COL9A3: variants seen among roughly 807,000 people sequenced by gnomAD.
COL9A3 encodes collagen alpha-3(IX) chain.
COL9A3 carries 82 observed loss-of-function variants against 110.2 expected under a neutral mutation model. The observed-to-expected ratio is 0.74, with a 90% CI of 0.62 to 0.89. The LOEUF is 0.89. COL9A3 is among the 40% of genes least tolerant of loss of function. COL9A3 has a pLI of 0.00. For synonymous variants in COL9A3, 494 were observed against 403.8 expected (o/e 1.22, Z -2.68); for missense variants, 1,066 against 981.3 (o/e 1.09, Z -1.15).
chr20:62,826,488 G>A (rs1412819899), intron 14 of COL9A3, among the ~76,000 whole-genome samples: 5 of 152,150 alleles, frequency 3.3e-5, no homozygotes, highest in Non-Finnish European at 7.4e-5. Flanking sequence ...CCAGGCTGCT[G>A]TGAGGGCTAT....
At chr20:62,832,009 G>A (rs1214958055) in intron 24 of COL9A3, 145 bp from the exon 25 acceptor site, 4 of 845,396 alleles carry the variant, frequency 4.7e-6, no homozygotes, top group Non-Finnish European at 6.1e-6. Flanking sequence ...CTTTGGGCCT[G>A]TGTCTGGGAG....
intron 31 of COL9A3, among the ~76,000 whole-genome samples, 163 bp downstream of exon 31, chr20:62,838,924 T>A (rs942158060): frequency 1.3e-5 from 2 of 152,170 alleles, no homozygotes; most frequent in Non-Finnish European, 1.5e-5. Context: ...ACCACTTTAA[T>A]ACATAAAAGT....
intron 29 of COL9A3, 89 bp from the exon 30 acceptor site, chr20:62,836,994 C>T (rs1257171752): frequency 6.6e-7 from 1 of 1,508,250 alleles, no homozygotes; most frequent in African/African-American, 1.4e-5. Flanking sequence ...TTCTGGAAGA[C>T]AGCACCGTGT....
intron 13 of COL9A3, 138 bp downstream of exon 13, chr20:62,826,008 C>T: frequency 1.7e-6 from 2 of 1,150,560 alleles, no homozygotes; most frequent in South Asian, 1.4e-5. Flanking sequence ...GGAGCGCGAC[C>T]TGGCTGGGGG....
intron 10 of COL9A3, 49 bp downstream of exon 10, chr20:62,822,681 G>T (rs1397854682): frequency 6.3e-7 from 1 of 1,588,892 alleles, no homozygotes; most frequent in Non-Finnish European, 8.6e-7. Context: ...TGCCTACCTT[G>T]GGGGGAGGGG....
intron 24 of COL9A3, chr20:62,831,131 G>C (rs892208324): frequency 6.6e-6 from 1 of 152,268 alleles, no homozygotes; most frequent in Non-Finnish European, 1.5e-5. Context: ...AGAGGATCAC[G>C]TTGCTATAAA....
At chr20:62,820,762 A>G (rs1991094736) in intron 5 of COL9A3, among the ~76,000 whole-genome samples, 1 of 145,840 alleles carries the variant, frequency 6.9e-6, no homozygotes, top group South Asian at 2.5e-4. Flanking sequence ...TTCAGGCAGC[A>G]GGGGCCAGAC....
At chr20:62,838,000 T>A (rs2063649802) in intron 30 of COL9A3, among the ~76,000 whole-genome samples, 1 of 152,230 alleles carries the variant, frequency 6.6e-6, no homozygotes, top group South Asian at 2.1e-4. Context: ...AAGATTTGAA[T>A]GACGCAATTA....
chr20:62,839,818 G>A (rs112334989), intron 31 of COL9A3, among the ~76,000 whole-genome samples: 1 of 131,466 alleles, frequency 7.6e-6, no homozygotes, highest in African/African-American at 2.8e-5. Flanking sequence ...CTCCATGCAC[G>A]CACGCTGCTC....
chr20:62,836,553 G>A (rs773035969), intron 29 of COL9A3, 21 bp downstream of exon 29: 15 of 1,593,888 alleles, frequency 9.4e-6, no homozygotes, highest in East Asian at 4.5e-5. Context: ...CACGTGCACC[G>A]GCTGCAGCGG....
chr20:62,825,949 C>A, intron 13 of COL9A3, 79 bp downstream of exon 13: 2 of 1,454,168 alleles, frequency 1.4e-6, no homozygotes, highest in African/African-American at 1.4e-5. Flanking sequence ...TATCTACCCC[C>A]GAGGGGGCCA....
Position 62,840,877 on chromosome 20 carries a change from G to T in COL9A3, c.*145G>T. 1.2e-6 allele frequency: 1 copy of T among 859,846 alleles called. No individual in the cohort carries two copies. 53.3% of individuals were successfully genotyped at this position (859,846 alleles called of 1,614,324 possible). On this transcript the variant is annotated 3_prime_UTR_variant, in exon 32 of 32. Transcript: ENST00000649368. Reference sequence around the variant, plus strand: ...GCCGCCGACTGGACGCGCGGGCCTTGCCAGCGAGCACCCTCATCGGGCTGT... The same window carrying T: ...GCCGCCGACTGGACGCGCGGGCCTTTCCAGCGAGCACCCTCATCGGGCTGT...
At chr20:62,831,711 C>T (rs1040115437) in intron 24 of COL9A3, 1 of 204,096 alleles carries the variant, frequency 4.9e-6, no homozygotes, top group Admixed American at 5.3e-5. Flanking sequence ...GCTTTTCTGC[C>T]CTTTGGGCCA....
At chr20:62,817,460 G>T in intron 1 of COL9A3, 107 bp from the exon 2 acceptor site, 1 of 794,026 alleles carries the variant, frequency 1.3e-6, no homozygotes, top group Non-Finnish European at 2.1e-6. Flanking sequence ...ACCGAGGAGA[G>T]CGGCGGTCGT....
At chr20:62,832,720 A>T in intron 25 of COL9A3, 2 of 351,152 alleles carry the variant, frequency 5.7e-6, no homozygotes, top group Non-Finnish European at 1.1e-5. Flanking sequence ...TTCTAGGCAC[A>T]AGGCCTTTCC....
chr20:62,828,034 G>A (rs780938889), intron 17 of COL9A3, 58 bp downstream of exon 17: 162 of 1,576,460 alleles, frequency 1.0e-4, no homozygotes, highest in Admixed American at 4.5e-4. Flanking sequence ...GTATGTACAG[G>A]TGGAGATGGC....
chr20:62,824,850 TG>T, intron 11 of COL9A3, 117 bp from the exon 12 acceptor site: 2 of 1,116,596 alleles, frequency 1.8e-6, no homozygotes, highest in East Asian at 5.1e-5. Flanking sequence ...CCCGCGGTCC[TG>T]TGCGCTGCCG....
intron 2 of COL9A3, chr20:62,817,858 G>A: frequency 1.5e-6 from 1 of 668,604 alleles, no homozygotes; most frequent in South Asian, 1.5e-5. Flanking sequence ...CACCCAGAAT[G>A]CCGGCACTGA....
intron 16 of COL9A3, 88 bp from the exon 17 acceptor site, chr20:62,827,835 C>T: frequency 1.4e-6 from 2 of 1,432,172 alleles, no homozygotes; most frequent in East Asian, 2.3e-5. Flanking sequence ...ACCATAGCTC[C>T]TTGGTGTCCC....
Sources: gnomAD v4.1 joint callset for allele counts (sites outside exome capture counted in the v4.1 genomes callset) on GRCh38, gnomAD v4.1.1 for gene constraint, MANE v1.5 for transcripts, NCBI Gene and HGNC (gene_info 2026-07-23, HGNC 2026-07-21) for gene names.